Variants in CSMD1 observed in about 807,000 individuals in gnomAD.
The protein encoded by CSMD1 is CUB and Sushi multiple domains 1.
Under a neutral mutation model 417.5 loss-of-function variants are expected in CSMD1, and 213 were observed. The ratio of observed to expected loss-of-function variants is 0.51; its 90% CI spans 0.46 to 0.57. The LOEUF (loss-of-function observed/expected upper bound fraction) is 0.57. Ranked by LOEUF, CSMD1 falls within the 20% of genes least tolerant of loss-of-function variation. The pLI is 0.00. For missense variants in CSMD1, 6,923 were observed against 4,529.7 expected (o/e 1.53, Z -15.17); for synonymous variants, 2,862 against 1,736.8 (o/e 1.65, Z -16.11).
At chr8:4,226,522 C>T (rs975584382) in intron 3 of CSMD1, among the ~76,000 whole-genome samples, 1 of 152,034 alleles carries the variant, frequency 6.6e-6, no homozygotes, top group Admixed American at 6.6e-5. Flanking sequence ...TGAGTCAAAA[C>T]AATTAGCCTT....
chr8:4,243,482 C>A (rs73498565), intron 3 of CSMD1, among the ~76,000 whole-genome samples: 2 of 152,064 alleles, frequency 1.3e-5, no homozygotes, highest in Admixed American at 1.3e-4. Flanking sequence ...TATGTCTACT[C>A]AAAACAGAAA....
intron 2 of CSMD1, among the ~76,000 whole-genome samples, chr8:4,458,988 A>G (rs1171006448): frequency 6.6e-6 from 1 of 152,210 alleles, no homozygotes; most frequent in African/African-American, 2.4e-5. Context: ...CTCAGTGAGG[A>G]TTCACGTTTG....
At chr8:3,392,791 C>G (rs146447796) in intron 17 of CSMD1, among the ~76,000 whole-genome samples, 1 of 152,180 alleles carries the variant, frequency 6.6e-6, no homozygotes, top group South Asian at 2.1e-4. Flanking sequence ...CCTTCAGCAC[C>G]GGGTAAACGG....
At chr8:4,034,914 G>A (rs529868172) in intron 3 of CSMD1, among the ~76,000 whole-genome samples, 2 of 152,162 alleles carry the variant, frequency 1.3e-5, no homozygotes, top group African/African-American at 4.8e-5. Flanking sequence ...ACAATGACCA[G>A]TCATTGTCAC....
At chr8:3,425,996 G>A (rs907099929) in intron 12 of CSMD1, among the ~76,000 whole-genome samples, 4 of 151,840 alleles carry the variant, frequency 2.6e-5, no homozygotes, top group African/African-American at 9.7e-5. Context: ...AAAAAAGCTG[G>A]GTCTATGTAG....
chr8:4,805,829 A>G (rs987792495), intron 1 of CSMD1, among the ~76,000 whole-genome samples: 2 of 152,196 alleles, frequency 1.3e-5, no homozygotes, highest in South Asian at 2.1e-4. Context: ...GGAAAACTCG[A>G]AAGTGGAAGC....
At chr8:3,207,910 T>A (rs1797395886) in intron 30 of CSMD1, among the ~76,000 whole-genome samples, 1 of 152,168 alleles carries the variant, frequency 6.6e-6, no homozygotes, top group Non-Finnish European at 1.5e-5. Flanking sequence ...TTCTATAAGC[T>A]CAACTTCAAA....
chr8:4,304,412 C>T (rs28469175), intron 3 of CSMD1, among the ~76,000 whole-genome samples: 3,500 of 152,108 alleles, frequency 0.023, 123 homozygotes, highest in African/African-American at 0.078. Context: ...CATCTAAGAG[C>T]GACAGAAGGT....
intron 10 of CSMD1, among the ~76,000 whole-genome samples, chr8:3,563,733 A>G (rs1419577715): frequency 6.6e-6 from 1 of 152,064 alleles, no homozygotes; most frequent in Non-Finnish European, 1.5e-5. Flanking sequence ...TAGTAAAAAT[A>G]CAAAGATTAG....
In CSMD1 at chr8:3,205,715, T is replaced by A. The variant is rs540635165; in HGVS notation, c.4868-95A>T. On this transcript the variant is annotated intron_variant, in intron 30 of 69. Transcript: ENST00000635120. ...GAAACACATCAAACACGTGAGCACG[T>A]TTATTGAAAACTTGACAAAATAAGA... 14 of 521,490 alleles carry A rather than the reference T, an allele frequency of 2.7e-5. 1 individual carries two copies. In the South Asian group the frequency reaches 3.4e-4, roughly 13 times the overall value. 32.3% of individuals were successfully genotyped at this position (521,490 alleles called of 1,614,324 possible).
chr8:4,298,433 T>G (rs1198700549), intron 3 of CSMD1, among the ~76,000 whole-genome samples: 1 of 152,108 alleles, frequency 6.6e-6, no homozygotes, highest in South Asian at 2.1e-4. Context: ...TATACAAAGT[T>G]GTGAATAATT....
intron 12 of CSMD1, among the ~76,000 whole-genome samples, chr8:3,433,831 C>G (rs1455504766): frequency 6.6e-6 from 1 of 152,204 alleles, no homozygotes; most frequent in South Asian, 2.1e-4. Flanking sequence ...GCTCCCGTGG[C>G]AGCTCAGCCA....
chr8:4,602,408 C>T (rs372784856), intron 2 of CSMD1, among the ~76,000 whole-genome samples: 3 of 152,074 alleles, frequency 2.0e-5, no homozygotes, highest in African/African-American at 4.8e-5. Flanking sequence ...GTCCAAGATA[C>T]GGAACACAGG....
At chr8:3,248,338 A>T (rs1359959545) in intron 26 of CSMD1, among the ~76,000 whole-genome samples, 1 of 152,130 alleles carries the variant, frequency 6.6e-6, no homozygotes, top group African/African-American at 2.4e-5. Context: ...AACAGCACCC[A>T]TGTTTACTCT....
chr8:3,504,822 A>G (rs950177048), intron 10 of CSMD1, among the ~76,000 whole-genome samples: 1 of 152,196 alleles, frequency 6.6e-6, no homozygotes, highest in African/African-American at 2.4e-5. Context: ...GAGATTCATT[A>G]AATTTCAAGA....
chr8:4,092,279 G>A (rs1042700323), intron 3 of CSMD1, among the ~76,000 whole-genome samples: 10 of 152,146 alleles, frequency 6.6e-5, no homozygotes, highest in Non-Finnish European at 1.3e-4. Flanking sequence ...AACCAACTGA[G>A]TATGGGAAAC....
chr8:4,113,686 G>A (rs987360494), intron 3 of CSMD1, among the ~76,000 whole-genome samples: 1 of 152,164 alleles, frequency 6.6e-6, no homozygotes, highest in East Asian at 1.9e-4. Flanking sequence ...TTACAGGCAT[G>A]AGCCACCGCG....
chr8:4,276,569 T>G (rs1315519257), intron 3 of CSMD1, among the ~76,000 whole-genome samples: 2 of 152,148 alleles, frequency 1.3e-5, no homozygotes, highest in Non-Finnish European at 2.9e-5. Context: ...TCTGCACATG[T>G]ACCCCAGAAC....
intron 5 of CSMD1, among the ~76,000 whole-genome samples, chr8:3,832,416 T>A (rs552076919): frequency 2.4e-4 from 36 of 152,334 alleles, no homozygotes; most frequent in Middle Eastern, 3.4e-3. Context: ...ACTACTATAT[T>A]TCTCTGAATT....
Sources: allele counts gnomAD v4.1 joint callset (sites outside exome capture counted in the v4.1 genomes callset), GRCh38; gene constraint gnomAD v4.1.1; transcripts MANE v1.5; gene names NCBI Gene and HGNC (gene_info 2026-07-23, HGNC 2026-07-21).